Variants in TSC22D1 observed in about 807,000 individuals in gnomAD.
TSC22D1 encodes the protein TSC22 domain family protein 1.
In TSC22D1, 9 loss-of-function variants were observed where a neutral mutation model predicts 74.2. The observed-to-expected ratio is 0.12, with a 90% CI of 0.07 to 0.21. The LOEUF is 0.21. TSC22D1 is among the 10% of genes least tolerant of loss of function. The pLI is 1.00. For missense variants in TSC22D1, 1,427 were observed against 1,304.7 expected (o/e 1.09, Z -1.44); for synonymous variants, 586 against 492.5 (o/e 1.19, Z -2.51).
chr13:44,575,790 T>C lies in TSC22D1; in HGVS notation c.285A>G (p.Ala95=), dbSNP rs756946084. The C allele has an allele frequency of 6.2e-6, 10 of 1,614,066 alleles. No individual in the cohort carries two copies. The highest frequency in any genetic ancestry group is 8.5e-6 in the Non-Finnish European group (10 of 1,180,032). ...GAGTTCCGCCTGGCGCAAGAGGCTGTGCCTGCAGCTGAGCCTGCGAAAGGA... is the reference window on the plus strand; with the variant it reads ...GAGTTCCGCCTGGCGCAAGAGGCTGCGCCTGCAGCTGAGCCTGCGAAAGGA... ...LNLLSQAQLQ[A]QPLAPGGTQM... is the part of the protein sequence containing the mutation. Residue 95 remains alanine, a synonymous_variant, in exon 1 of 3, where the codon GCA becomes GCG. Coordinates refer to ENST00000458659, the MANE Select transcript of TSC22D1 (RefSeq NM_183422.4).
intron 1 of TSC22D1, among the ~76,000 whole-genome samples, chr13:44,534,781 T>C (rs1259739611): frequency 6.6e-6 from 1 of 152,234 alleles, no homozygotes; most frequent in Non-Finnish European, 1.5e-5. Flanking sequence ...GCAATTGTTT[T>C]CTAAGTTCTA....
intron 1 of TSC22D1, among the ~76,000 whole-genome samples, chr13:44,441,532 C>T (rs1177704543): frequency 6.6e-6 from 1 of 152,022 alleles, no homozygotes; most frequent in African/African-American, 2.4e-5. Flanking sequence ...TTTAAAACTG[C>T]TAAATCCTAA....
At chr13:44,435,089 AG>A in intron 2 of TSC22D1, 1 of 536,718 alleles carries the variant, frequency 1.9e-6, no homozygotes, top group South Asian at 2.6e-5. Flanking sequence ...GCTTTGTAAA[AG>A]TCTGTGCTTC....
At chr13:44,466,055 A>G (rs1208694676) in intron 1 of TSC22D1, among the ~76,000 whole-genome samples, 1 of 152,170 alleles carries the variant, frequency 6.6e-6, no homozygotes, top group Non-Finnish European at 1.5e-5. Context: ...CATTTTTCCC[A>G]ACAAAATTTA....
At chr13:44,448,406 G>A in intron 1 of TSC22D1, among the ~76,000 whole-genome samples, 1 of 152,140 alleles carries the variant, frequency 6.6e-6, no homozygotes, top group East Asian at 1.9e-4. Flanking sequence ...AGGGTCATTA[G>A]AGGCAGTCTC....
rs1878661902 is a variant in TSC22D1, at chr13:44,490,731, C to T, written c.2913-54636G>A. 3.9e-5 allele frequency among the ~76,000 whole-genome samples: 6 copies of T among 151,980 alleles called. No individual in the cohort carries two copies. In the South Asian group the frequency reaches 1.2e-3, roughly 32 times the overall value. On this transcript the variant is annotated intron_variant, in intron 1 of 2. Transcript: ENST00000458659. ...TGACCAATATGGAGAAACCCCGTCTCTACTAAAAATACAAAATTAGCCAGG... is the reference window on the plus strand; with the variant it reads ...TGACCAATATGGAGAAACCCCGTCTTTACTAAAAATACAAAATTAGCCAGG...
intron 1 of TSC22D1, among the ~76,000 whole-genome samples, chr13:44,492,184 T>G (rs1878758263): frequency 6.7e-6 from 1 of 148,488 alleles, no homozygotes; most frequent in Non-Finnish European, 1.5e-5. Context: ...CAGTCAAAAA[T>G]ACAGTTAAAT....
chr13:44,525,648 G>T (rs1367143650), intron 1 of TSC22D1, among the ~76,000 whole-genome samples: 1 of 151,994 alleles, frequency 6.6e-6, no homozygotes, highest in African/African-American at 2.4e-5. Flanking sequence ...GAGTAGACAA[G>T]ATCAAGGACA....
intron 1 of TSC22D1, among the ~76,000 whole-genome samples, chr13:44,513,969 C>T (rs909073431): frequency 5.9e-5 from 9 of 152,158 alleles, no homozygotes; most frequent in Non-Finnish European, 7.3e-5. Flanking sequence ...AAGTTCCTTT[C>T]AACTTGCAGG....
At chr13:44,512,930 G>C (rs1167260764) in intron 1 of TSC22D1, among the ~76,000 whole-genome samples, 1 of 152,234 alleles carries the variant, frequency 6.6e-6, no homozygotes, top group Admixed American at 6.5e-5. Flanking sequence ...TTACAGGCGT[G>C]AGCCACTGCG....
In TSC22D1 at chr13:44,575,994, C is replaced by T. The variant is rs1370650355; in HGVS notation, c.81G>A (p.Met27Ile). ...ISARKMAHPA[M>I]FPRRGSGSGS... ...CACTACCGCTGCCCCTTCGAGGGAA[C>T]ATTGCCGGGTGCGCCATCTTCCTAG... Residue 27 changes from methionine (M) to isoleucine (I), a missense_variant, in exon 1 of 3, where the codon ATG becomes ATA. By Grantham distance (10) the Met-to-Ile change is conservative. This residue lies in a region of TSC22D1 where 1,343 missense variants were observed against 1,191.5 expected (regional missense o/e 1.13). Transcript: ENST00000458659. The T allele has an allele frequency of 1.9e-6, 3 of 1,596,058 alleles. No individual in the cohort carries two copies. Among genetic ancestry groups the T allele is most frequent in the Non-Finnish European group, 2.6e-6 (3 of 1,171,210 alleles).
In TSC22D1 at chr13:44,434,412, G is replaced by C; in HGVS notation, c.*214C>G. On this transcript the variant is annotated 3_prime_UTR_variant, in exon 3 of 3. Coordinates refer to ENST00000458659, the MANE Select transcript of TSC22D1 (RefSeq NM_183422.4). ...TCCCGGTATATCCATGCTAATTCTC[G>C]GATTAACCTTTAATTCACCCAACTA... 7.4e-7 allele frequency: 1 copy of C among 1,353,282 alleles called. No homozygotes were observed. Among genetic ancestry groups the C allele is most frequent in the Non-Finnish European group, 9.4e-7 (1 of 1,060,928 alleles). 83.8% of individuals were successfully genotyped at this position (1,353,282 alleles called of 1,614,324 possible).
rs572329384 is a variant in TSC22D1, at chr13:44,491,103, G to A, written c.2913-55008C>T. ...AATCATTTGAACTCAGGAGGCAGAGGTTGCAGTGAGCCAAGATGGTGCCAC... is the reference window on the plus strand; with the variant it reads ...AATCATTTGAACTCAGGAGGCAGAGATTGCAGTGAGCCAAGATGGTGCCAC... On this transcript the variant is annotated intron_variant, in intron 1 of 2. Transcript: ENST00000458659. Among the ~76,000 whole-genome samples, 6 of 152,116 alleles carry A rather than the reference G, an allele frequency of 3.9e-5. No homozygotes were observed. In the South Asian group the frequency reaches 1.2e-3, roughly 32 times the overall value.
At position 44,445,823 on chromosome 13, in the gene TSC22D1, T is replaced by TA. The variant is rs377186195; in HGVS notation, c.2913-9729dup. On this transcript the variant is annotated intron_variant, in intron 1 of 2. Transcript: ENST00000458659. ...AATGCAAATTAAAACCATAATGATATACCACTACACACCTATCAGAATAGC... is the reference window on the plus strand; with the variant it reads ...AATGCAAATTAAAACCATAATGATATAACCACTACACACCTATCAGAATAGC... Among the ~76,000 whole-genome samples the TA allele has an allele frequency of 6.0e-4, 92 of 152,308 alleles. 1 individual carries two copies. Among genetic ancestry groups the TA allele is most frequent in the Non-Finnish European group, 1.1e-3 (78 of 68,026 alleles).
Position 44,576,244 on chromosome 13 carries a change from G to T in TSC22D1, c.-170C>A, listed in dbSNP as rs1228473413. The T allele has an allele frequency of 2.0e-6, 2 of 995,916 alleles. No homozygotes were observed. Among genetic ancestry groups the T allele is most frequent in the Admixed American group, 3.0e-5 (1 of 32,802 alleles). The allele number at this position is 995,916 out of a possible 1,614,324, so 61.7% of individuals were successfully genotyped here. On this transcript the variant is annotated 5_prime_UTR_variant, in exon 1 of 3. Coordinates refer to ENST00000458659, the MANE Select transcript of TSC22D1 (RefSeq NM_183422.4). ...GCCGGTCGCTCCTGCCTTCGAGAGC[G>T]AGCTTCGGAAAGGAGGATGAACGAG...
intron 1 of TSC22D1, among the ~76,000 whole-genome samples, chr13:44,465,960 C>T (rs1040596278): frequency 2.0e-4 from 28 of 142,116 alleles, no homozygotes; most frequent in African/African-American, 6.9e-4. Context: ...GCAACAAGAG[C>T]GAAACTCTGC....
At chr13:44,456,339 G>A (rs1175760413) in intron 1 of TSC22D1, among the ~76,000 whole-genome samples, 2 of 152,138 alleles carry the variant, frequency 1.3e-5, no homozygotes, top group Admixed American at 6.5e-5. Flanking sequence ...ATTTTACAGA[G>A]CACTGATTGG....
At chr13:44,508,459 G>GT (rs910291966) in intron 1 of TSC22D1, among the ~76,000 whole-genome samples, 1 of 151,972 alleles carries the variant, frequency 6.6e-6, no homozygotes, top group Admixed American at 6.6e-5. Flanking sequence ...AATATGAATT[G>GT]TTTTTTTAAA....
chr13:44,556,263 G>A (rs916161373), intron 1 of TSC22D1, among the ~76,000 whole-genome samples: 23 of 151,386 alleles, frequency 1.5e-4, no homozygotes, highest in African/African-American at 5.3e-4. Context: ...CCATCTCTTG[G>A]GGCCGTGCAC....
Sources: gnomAD v4.1 joint callset for allele counts (sites outside exome capture counted in the v4.1 genomes callset) on GRCh38, gnomAD v4.1.1 for gene constraint, gnomAD v4.1.1 regional missense constraint, MANE v1.5 for transcripts, NCBI Gene and HGNC (gene_info 2026-07-23, HGNC 2026-07-21) for gene names.